Variants in SEMA3E observed in about 807,000 individuals in gnomAD.
SEMA3E encodes the protein semaphorin-3E.
SEMA3E carries 49 observed loss-of-function variants against 93.6 expected under a neutral mutation model. The observed-to-expected ratio is 0.52, with a 90% CI of 0.42 to 0.66. SEMA3E has a LOEUF of 0.66. Ranked by LOEUF, SEMA3E falls within the 30% of genes least tolerant of loss-of-function variation. The pLI, the probability that SEMA3E is intolerant of heterozygous loss-of-function variation, is 0.00. For synonymous variants in SEMA3E, 363 were observed against 330.7 expected, an observed-to-expected ratio of 1.10 and a Z score of -1.06; for missense variants, 906 against 964.8, an observed-to-expected ratio of 0.94 and a Z score of 0.81.
intron 2 of SEMA3E, among the ~76,000 whole-genome samples, chr7:83,487,241 T>C (rs551423509): frequency 3.0e-4 from 46 of 152,184 alleles, no homozygotes; most frequent in Non-Finnish European, 3.8e-4. Flanking sequence ...ATGGTCCACA[T>C]AGGAAACAAC....
intron 16 of SEMA3E, among the ~76,000 whole-genome samples, chr7:83,375,677 T>C (rs972908716): frequency 3.9e-5 from 6 of 152,066 alleles, no homozygotes; most frequent in Non-Finnish European, 8.8e-5. Context: ...GTTATCCGGT[T>C]TAATCAGATG....
rs746721105 is a variant in SEMA3E at position 83,408,425 on chromosome 7, T to C, written c.613A>G (p.Ser205Gly). The C allele has an allele frequency of 6.2e-7, 1 of 1,613,840 alleles. No individual in the cohort carries two copies. Among genetic ancestry groups the C allele is most frequent in the Non-Finnish European group, 8.5e-7 (1 of 1,179,866 alleles). ...YWSRDAAIFRSMGRLAHIRTE... is the reference protein window; with the variant it reads ...YWSRDAAIFRGMGRLAHIRTE... ...CGGATATGGGCCAGTCGCCCCATGC[T>C]GCGGAAGATCGCAGCGTCTCTGCTC... The change falls in exon 6 of 17, where the codon AGC (serine) becomes GGC (glycine). Residue 205 changes from serine (S) to glycine (G), a missense_variant. Ser to Gly is a moderately conservative substitution (Grantham distance 56, BLOSUM62 0). Coordinates refer to ENST00000643230, the MANE Select transcript of SEMA3E (RefSeq NM_012431.3).
At chr7:83,476,975 G>C (rs1049910385) in intron 2 of SEMA3E, among the ~76,000 whole-genome samples, 1 of 151,932 alleles carries the variant, frequency 6.6e-6, no homozygotes, top group Non-Finnish European at 1.5e-5. Flanking sequence ...TATTTCAACG[G>C]AGAAAAATAA....
chr7:83,582,196 A>G (rs1792530451), intron 1 of SEMA3E, among the ~76,000 whole-genome samples: 2 of 150,800 alleles, frequency 1.3e-5, no homozygotes, highest in Admixed American at 6.6e-5. Flanking sequence ...AAATGTAAAA[A>G]TAAAATTACA....
chr7:83,412,834 GA>G (rs1458456281), intron 5 of SEMA3E, among the ~76,000 whole-genome samples: 9 of 150,486 alleles, frequency 6.0e-5, no homozygotes, highest in Non-Finnish European at 1.2e-4. Flanking sequence ...AATATCAAAC[GA>G]AAGAAAAGGC....
At chr7:83,412,985 T>C (rs971882406) in intron 5 of SEMA3E, among the ~76,000 whole-genome samples, 1 of 152,146 alleles carries the variant, frequency 6.6e-6, no homozygotes, top group Non-Finnish European at 1.5e-5. Flanking sequence ...GGACATTATA[T>C]TGTGATTAAA....
intron 1 of SEMA3E, among the ~76,000 whole-genome samples, chr7:83,539,849 T>TG: frequency 1.8e-5 from 1 of 56,688 alleles, no homozygotes; most frequent in Admixed American, 2.1e-4. Context: ...TTTTGTTTTG[T>TG]TGTTTCTGTG....
intron 2 of SEMA3E, among the ~76,000 whole-genome samples, chr7:83,485,075 T>C (rs1790225400): frequency 6.6e-6 from 1 of 152,196 alleles, no homozygotes; most frequent in Admixed American, 6.5e-5. Flanking sequence ...ACTCTACTCC[T>C]GAATATATGT....
At chr7:83,401,562 G>T (rs994224147) in intron 10 of SEMA3E, among the ~76,000 whole-genome samples, 1 of 151,944 alleles carries the variant, frequency 6.6e-6, no homozygotes, top group Admixed American at 6.6e-5. Flanking sequence ...CAGGAGTAGG[G>T]TTTCTCCATT....
intron 2 of SEMA3E, 56 bp from the exon 3 acceptor site, chr7:83,469,358 T>A: frequency 1.7e-6 from 2 of 1,208,352 alleles, no homozygotes; most frequent in Non-Finnish European, 2.4e-6. Flanking sequence ...TAAACCACAC[T>A]GAAAACCATT....
chr7:83,618,800 C>A (rs1793481509), intron 1 of SEMA3E, among the ~76,000 whole-genome samples: 1 of 151,838 alleles, frequency 6.6e-6, no homozygotes, highest in Non-Finnish European at 1.5e-5. Context: ...AAAATTGGGG[C>A]TATCTTTCAT....
At chr7:83,603,056 C>T (rs371179922) in intron 1 of SEMA3E, among the ~76,000 whole-genome samples, 2 of 151,962 alleles carry the variant, frequency 1.3e-5, no homozygotes, top group African/African-American at 4.8e-5. Flanking sequence ...TTGCTTTATG[C>T]GTAGGTCCAA....
At chr7:83,523,940 T>A (rs1791102217) in intron 1 of SEMA3E, among the ~76,000 whole-genome samples, 1 of 152,256 alleles carries the variant, frequency 6.6e-6, no homozygotes, top group Admixed American at 6.5e-5. Context: ...TAATAAAATA[T>A]TTCACGTTTC....
intron 1 of SEMA3E, among the ~76,000 whole-genome samples, chr7:83,539,855 C>CTGTGTGTGTGTG (rs59200828): frequency 0.23 from 27,472 of 121,634 alleles, 3,604 homozygotes; most frequent in Non-Finnish European, 0.28. Context: ...TTTGTTGTTT[C>CTGTGTGTGTGTG]TGTGTGTGTG....
intron 16 of SEMA3E, among the ~76,000 whole-genome samples, chr7:83,378,264 A>T (rs1381136426): frequency 3.3e-5 from 5 of 151,866 alleles, no homozygotes; most frequent in Non-Finnish European, 7.4e-5. Flanking sequence ...TTTTCTCCTA[A>T]TTCAGAGAGT....
At chr7:83,477,440 A>G (rs1790038410) in intron 2 of SEMA3E, among the ~76,000 whole-genome samples, 1 of 152,104 alleles carries the variant, frequency 6.6e-6, no homozygotes, top group Non-Finnish European at 1.5e-5. Flanking sequence ...AACACATTAA[A>G]ATAGTCTTAA....
intron 1 of SEMA3E, among the ~76,000 whole-genome samples, chr7:83,509,132 A>G (rs551509119): frequency 2.0e-5 from 3 of 152,238 alleles, no homozygotes; most frequent in African/African-American, 7.2e-5. Flanking sequence ...AAATTTTGGG[A>G]CCCCTGGGAT....
intron 1 of SEMA3E, among the ~76,000 whole-genome samples, chr7:83,550,481 CA>C (rs1195709633): frequency 6.6e-6 from 1 of 152,044 alleles, no homozygotes; most frequent in South Asian, 2.1e-4. Flanking sequence ...CTTCCTTCTT[CA>C]CCATTGTTGA....
At chr7:83,624,899 G>C (rs117569182) in intron 1 of SEMA3E, among the ~76,000 whole-genome samples, 3,424 of 152,260 alleles carry the variant, frequency 0.022, 57 homozygotes, top group South Asian at 0.076. Flanking sequence ...GCTAATTTTT[G>C]TATAAGGTAA....
Sources: gnomAD v4.1 joint callset for allele counts (sites outside exome capture counted in the v4.1 genomes callset) on GRCh38, gnomAD v4.1.1 for gene constraint, MANE v1.5 for transcripts, NCBI Gene and HGNC (gene_info 2026-07-23, HGNC 2026-07-21) for gene names.